Variants in TAF4 observed in about 807,000 individuals in gnomAD.
TAF4 encodes transcription initiation factor TFIID subunit 4.
In TAF4, 9 loss-of-function variants were observed where a neutral mutation model predicts 90.3. The ratio of observed to expected loss-of-function variants is 0.10; its 90% CI spans 0.06 to 0.17. The LOEUF is 0.17. Ranked by LOEUF, TAF4 falls within the 10% of genes least tolerant of loss-of-function variation. TAF4 has a pLI of 1.00. For synonymous variants in TAF4, 818 were observed against 638.9 expected (o/e 1.28, Z -4.23); for missense variants, 1,351 against 1,370.7 (o/e 0.99, Z 0.23).
chr20:61,977,870 A>G (rs2055505943), intron 14 of TAF4, among the ~76,000 whole-genome samples: 2 of 152,230 alleles, frequency 1.3e-5, no homozygotes, highest in African/African-American at 4.8e-5. Flanking sequence ...GACACCTGCT[A>G]TAAATTCCGG....
intron 14 of TAF4, among the ~76,000 whole-genome samples, chr20:61,993,691 G>A (rs1195308273): frequency 1.3e-5 from 2 of 152,142 alleles, no homozygotes; most frequent in Non-Finnish European, 2.9e-5. Flanking sequence ...CTGTGATGTG[G>A]TGGGGCACAT....
intron 14 of TAF4, among the ~76,000 whole-genome samples, chr20:61,979,973 A>C (rs2055528435): frequency 6.6e-6 from 1 of 152,258 alleles, no homozygotes; most frequent in Non-Finnish European, 1.5e-5. Context: ...GGCCGGCACC[A>C]ACATGGAGCC....
chr20:62,030,295 C>CG (rs970618035), intron 1 of TAF4, among the ~76,000 whole-genome samples: 1 of 152,224 alleles, frequency 6.6e-6, no homozygotes, highest in Non-Finnish European at 1.5e-5. Context: ...CTGGATAGGA[C>CG]GACACAGCAG....
Position 61,998,073 on chromosome 20 carries a change from T to C in TAF4, c.2970+63A>G, listed in dbSNP as rs1186442642. Reference sequence around the variant, plus strand: ...AGTGCCACGGTTTCCTTAGCCCCCCTCCCGTGGGGCGCTACAGTGCACAGC... The same window carrying C: ...AGTGCCACGGTTTCCTTAGCCCCCCCCCCGTGGGGCGCTACAGTGCACAGC... On this transcript the variant is annotated intron_variant, in intron 13 of 14. Transcript: ENST00000252996. The C allele has an allele frequency of 1.2e-5, 18 of 1,490,976 alleles. No individual in the cohort carries two copies. In the Admixed American group the frequency reaches 3.2e-4, roughly 27 times the overall value. The allele number at this position is 1,490,976 out of a possible 1,614,324, so 92.4% of individuals were successfully genotyped here. A position where few individuals can be genotyped will look rare whatever the true frequency, so the allele number is the denominator to read the frequency against.
Position 62,010,270 on chromosome 20 carries a change from G to C in TAF4, c.1642-105C>G, listed in dbSNP as rs28382065. The C allele has an allele frequency of 1.1e-3, 1,727 of 1,539,226 alleles. 24 individuals carry two copies. The African/African-American group carries it at 0.022, about 19-fold the overall frequency. ...AAAGAAAACAAGCCTCCCTGCGGTG[G>C]CCAGGACGCCCAGGAAGCCAAGGAC... is the stretch of plus-strand genomic sequence containing the variant. On this transcript the variant is annotated intron_variant, in intron 3 of 14. Coordinates refer to ENST00000252996, the MANE Select transcript of TAF4 (RefSeq NM_003185.4). The surrounding 1 kb of genome is among the most constrained non-coding windows in gnomAD (Gnocchi z 4.5).
At chr20:62,051,532 C>T (rs1042104457) in intron 1 of TAF4, among the ~76,000 whole-genome samples, 6 of 152,144 alleles carry the variant, frequency 3.9e-5, no homozygotes, top group African/African-American at 7.2e-5. Context: ...TCCCATCCAC[C>T]GTTCACTCCC....
intron 1 of TAF4, chr20:62,064,197 C>A (rs927991659): frequency 5.0e-6 from 2 of 397,536 alleles, no homozygotes; most frequent in Non-Finnish European, 8.8e-6. Context: ...AACAGACCAG[C>A]CCCAGGCACA....
At chr20:62,008,268 C>T (rs1163580139) in intron 5 of TAF4, 1 of 152,472 alleles carries the variant, frequency 6.6e-6, no homozygotes, top group Non-Finnish European at 1.5e-5. Flanking sequence ...CTGGACTGAA[C>T]CCTAAGAGAC....
chr20:61,987,190 C>CT (rs2055598097), intron 14 of TAF4, among the ~76,000 whole-genome samples: 2 of 152,164 alleles, frequency 1.3e-5, no homozygotes, highest in South Asian at 4.1e-4. Context: ...GCCTGGACGT[C>CT]ATCACGAGGA....
At position 61,975,204 on chromosome 20, in the gene TAF4, A is replaced by G. The variant is rs1302317410; in HGVS notation, c.*964T>C. ...AAGGGGCTTTGCTCTGGACGTCTGT[A>G]AAGTCGGCCCAAGGCTTGCATACAG... On this transcript the variant is annotated 3_prime_UTR_variant, in exon 15 of 15. Coordinates refer to ENST00000252996, the MANE Select transcript of TAF4 (RefSeq NM_003185.4). 1 of 152,462 alleles carries G rather than the reference A, an allele frequency of 6.6e-6. No individual in the cohort carries two copies. Among genetic ancestry groups the G allele is most frequent in the African/African-American group, 2.4e-5 (1 of 41,452 alleles). The allele number at this position is 152,462 out of a possible 1,614,324, so 9.4% of individuals were successfully genotyped here. A position where few individuals can be genotyped will look rare whatever the true frequency, so the allele number is the denominator to read the frequency against.
Position 61,999,003 on chromosome 20 carries a change from T to C in TAF4, c.2893A>G (p.Ile965Val), listed in dbSNP as rs2123122306. The C allele has an allele frequency of 6.2e-7, 1 of 1,613,846 alleles. No individual in the cohort carries two copies. The highest frequency in any genetic ancestry group is 1.1e-5 in the South Asian group (1 of 91,078). ...KQRKDEQERE[I>V]LMRAAKSRSR... ...CTCGCCTTTGCTGCCCTCATCAGGA[T>C]CTCCCGCTCCTGCTCATCCTTCCTC... The change falls in exon 12 of 15, where the codon ATC becomes GTC. Residue 965 changes from isoleucine to valine, a missense_variant. Around this residue, in one of 9 missense-constraint regions of TAF4, gnomAD observed 95 missense variants for 151.3 expected, o/e 0.63. Transcript: ENST00000252996.
At chr20:62,061,499 A>G (rs1204432845) in intron 1 of TAF4, among the ~76,000 whole-genome samples, 1 of 152,210 alleles carries the variant, frequency 6.6e-6, no homozygotes, top group Non-Finnish European at 1.5e-5. Context: ...AGCACAATAG[A>G]CCAAGATACA....
intron 1 of TAF4, among the ~76,000 whole-genome samples, chr20:62,029,726 C>T (rs1001502184): frequency 2.6e-5 from 4 of 151,944 alleles, no homozygotes; most frequent in African/African-American, 7.3e-5. Flanking sequence ...GCCAACATGA[C>T]GAAACCCCGC....
At chr20:62,043,449 A>G (rs2055975208) in intron 1 of TAF4, among the ~76,000 whole-genome samples, 1 of 152,236 alleles carries the variant, frequency 6.6e-6, no homozygotes. Flanking sequence ...GTTATTACTG[A>G]AGAAAGAAAA....
chr20:62,045,634 A>T (rs1175716277), intron 1 of TAF4, among the ~76,000 whole-genome samples: 1 of 152,256 alleles, frequency 6.6e-6, no homozygotes, highest in Admixed American at 6.5e-5. Flanking sequence ...GAAAGAAAAT[A>T]ACTATTTAAA....
chr20:62,007,757 G>T, intron 5 of TAF4, 121 bp from the exon 6 acceptor site: 3 of 942,526 alleles, frequency 3.2e-6, no homozygotes, highest in South Asian at 3.2e-5. Context: ...ACTGGACAGA[G>T]GAGATGGGAA....
intron 14 of TAF4, among the ~76,000 whole-genome samples, chr20:61,979,934 G>C (rs542401979): frequency 2.0e-5 from 3 of 152,384 alleles, no homozygotes; most frequent in South Asian, 2.1e-4. Context: ...GCGCAAAACA[G>C]AGCCTGGGAC....
At chr20:62,013,010 C>G (rs2055788713) in intron 2 of TAF4, 76 bp from the exon 3 acceptor site, 1 of 1,577,198 alleles carries the variant, frequency 6.3e-7, no homozygotes, top group African/African-American at 1.4e-5. Context: ...AGAAATTATT[C>G]CTTCCATATG....
intron 1 of TAF4, among the ~76,000 whole-genome samples, chr20:62,025,492 G>C (rs1165557837): frequency 6.6e-6 from 1 of 152,096 alleles, no homozygotes; most frequent in Non-Finnish European, 1.5e-5. Flanking sequence ...CACGTGTGGA[G>C]GGAGGGAAGT....
Sources: gnomAD v4.1 joint callset for allele counts (sites outside exome capture counted in the v4.1 genomes callset) on GRCh38, gnomAD v4.1.1 for gene constraint, gnomAD v4.1.1 regional missense constraint, Gnocchi (gnomAD v3.1) non-coding constraint, MANE v1.5 for transcripts, NCBI Gene and HGNC (gene_info 2026-07-23, HGNC 2026-07-21) for gene names.